The following TRPS1 variants were observed in gnomAD, a reference collection of about 807,000 sequenced individuals.
TRPS1 encodes the protein transcriptional repressor GATA binding 1, also known as zinc finger transcription factor Trps1.
Under a neutral mutation model 101.2 loss-of-function variants are expected in TRPS1, and 6 were observed. The ratio of observed to expected loss-of-function variants is 0.06; its 90% CI spans 0.03 to 0.12. The LOEUF (loss-of-function observed/expected upper bound fraction) is 0.12. Ranked by LOEUF, TRPS1 falls within the 10% of genes least tolerant of loss-of-function variation. TRPS1 has a pLI of 1.00. For synonymous variants in TRPS1, 578 were observed against 589.8 expected, an observed-to-expected ratio of 0.98 and a Z score of 0.29; for missense variants, 1,363 against 1,567.0, an observed-to-expected ratio of 0.87 and a Z score of 2.20.
intron 5 of TRPS1, among the ~76,000 whole-genome samples, chr8:115,584,307 T>C (rs754842971): frequency 4.6e-5 from 7 of 152,002 alleles, no homozygotes; most frequent in Admixed American, 1.3e-4. Flanking sequence ...GCTCTATTAA[T>C]GCTATATTGA....
At chr8:115,442,908 G>T (rs934337467) in intron 5 of TRPS1, among the ~76,000 whole-genome samples, 1 of 151,654 alleles carries the variant, frequency 6.6e-6, no homozygotes, top group East Asian at 1.9e-4. Context: ...TGGCTAACAC[G>T]GTGAAAACCC....
chr8:115,641,753 G>A (rs894538932), intron 1 of TRPS1, among the ~76,000 whole-genome samples: 4 of 152,164 alleles, frequency 2.6e-5, no homozygotes, highest in Non-Finnish European at 5.9e-5. Flanking sequence ...GGTGGCGCAT[G>A]CCTGTAGTCT....
At chr8:115,431,541 A>T (rs972031551) in intron 5 of TRPS1, among the ~76,000 whole-genome samples, 8 of 151,930 alleles carry the variant, frequency 5.3e-5, no homozygotes, top group Non-Finnish European at 8.8e-5. Flanking sequence ...TACATTACAT[A>T]ACTCTGGTGG....
rs578255298 is a variant in TRPS1 at position 115,501,895 on chromosome 8, T to C, written c.2701-83443A>G. On this transcript the variant is annotated intron_variant, in intron 5 of 6. Coordinates refer to ENST00000395715, the MANE Select transcript of TRPS1 (RefSeq NM_014112.5). ...AACTGATCTCCTCATATCTGGACACTGGTTGCTGCCCATTCCAGTCCATCT... is the reference window on the plus strand; with the variant it reads ...AACTGATCTCCTCATATCTGGACACCGGTTGCTGCCCATTCCAGTCCATCT... Among the ~76,000 whole-genome samples, 3 of 152,268 alleles carry C rather than the reference T, an allele frequency of 2.0e-5. No homozygotes were observed. In the East Asian group the frequency reaches 5.8e-4, roughly 29 times the overall value.
chr8:115,418,410 T>C lies in TRPS1; in HGVS notation c.2743A>G (p.Thr915Ala), dbSNP rs2129769136. ...TTCTTTCGCCAGAGAGAGGTCTTTGTGGTCAGGCAATTGGCACAAAAAACA... is the reference window on the plus strand; with the variant it reads ...TTCTTTCGCCAGAGAGAGGTCTTTGCGGTCAGGCAATTGGCACAAAAAACA... ...SGVFCANCLT[T>A]KTSLWRKNAN... Residue 915 changes from threonine (T) to alanine (A), a missense_variant, in exon 6 of 7, where the codon ACA becomes GCA. By Grantham distance (58) the Thr-to-Ala change is moderately conservative. Around this residue, in one of 5 missense-constraint regions of TRPS1, gnomAD observed 22 missense variants for 37.9 expected, o/e 0.58. Coordinates refer to ENST00000395715, the MANE Select transcript of TRPS1 (RefSeq NM_014112.5). The surrounding 1 kb of genome is among the most constrained non-coding windows in gnomAD (Gnocchi z 4.3). 1 of 1,614,124 alleles carries C rather than the reference T, an allele frequency of 6.2e-7. No individual in the cohort carries two copies. Among genetic ancestry groups the C allele is most frequent in the Non-Finnish European group, 8.5e-7 (1 of 1,180,004 alleles).
intron 1 of TRPS1, among the ~76,000 whole-genome samples, chr8:115,654,423 T>C (rs531552510): frequency 9.8e-5 from 15 of 152,304 alleles, no homozygotes; most frequent in East Asian, 7.7e-4. Context: ...ACACCACTTA[T>C]GGTTTTTCCA....
chr8:115,587,556 G>A lies in TRPS1; in HGVS notation c.2145C>T (p.Ala715=), dbSNP rs756943485. Residue 715 remains alanine, a synonymous_variant, in exon 5 of 7, where the codon GCC becomes GCT. Coordinates refer to ENST00000395715, the MANE Select transcript of TRPS1 (RefSeq NM_014112.5). The stretch of plus-strand genomic sequence containing the variant: ...AGTGCTCCAGTAGTGACTGAGTATC[G>A]GCAGCTGTAAAACTGCACTGACGGC... The part of the protein sequence containing the change: ...YKCRQCSFTA[A]DTQSLLEHFN... The A allele has an allele frequency of 9.9e-6, 16 of 1,614,106 alleles. No homozygotes were observed. Among genetic ancestry groups the A allele is most frequent in the African/African-American group, 6.7e-5 (5 of 75,028 alleles).
intron 5 of TRPS1, among the ~76,000 whole-genome samples, chr8:115,473,133 T>C (rs186469624): frequency 1.9e-4 from 29 of 152,314 alleles, no homozygotes; most frequent in African/African-American, 6.3e-4. Context: ...CAATTTACTG[T>C]ATTAGTCCAT....
Position 115,466,314 on chromosome 8 carries a change from G to C in TRPS1, c.2701-47862C>G, listed in dbSNP as rs141827548. On this transcript the variant is annotated intron_variant, in intron 5 of 6. Coordinates refer to ENST00000395715, the MANE Select transcript of TRPS1 (RefSeq NM_014112.5). The stretch of plus-strand genomic sequence containing the variant: ...ACTGGTATCAACAGTTTGACTGAAA[G>C]GTTAAAGGGGAAACATAATTCTATA... Among the ~76,000 whole-genome samples, 19 of 152,216 alleles carry C rather than the reference G, an allele frequency of 1.2e-4. No homozygotes were observed. In the East Asian group the frequency reaches 3.7e-3, roughly 29 times the overall value.
intron 5 of TRPS1, among the ~76,000 whole-genome samples, chr8:115,446,731 C>G (rs1216596021): frequency 3.3e-5 from 5 of 152,094 alleles, no homozygotes; most frequent in Admixed American, 1.3e-4. Flanking sequence ...CAATCATGAA[C>G]CCAGAAAAGT....
chr8:115,536,885 G>C (rs1410314800), intron 5 of TRPS1, among the ~76,000 whole-genome samples: 1 of 151,270 alleles, frequency 6.6e-6, no homozygotes, highest in African/African-American at 2.4e-5. Context: ...TTGAAGGTCA[G>C]AATTTTACAT....
intron 1 of TRPS1, among the ~76,000 whole-genome samples, chr8:115,644,083 G>C (rs916748711): frequency 1.3e-5 from 2 of 152,190 alleles, no homozygotes; most frequent in East Asian, 1.9e-4. Flanking sequence ...TTCAGGCTTT[G>C]CTGTTCCTTT....
chr8:115,503,303 A>G (rs1043782442), intron 5 of TRPS1, among the ~76,000 whole-genome samples: 1 of 151,414 alleles, frequency 6.6e-6, no homozygotes, highest in African/African-American at 2.4e-5. Flanking sequence ...TGCCACACCA[A>G]TGTACGCGAA....
intron 5 of TRPS1, among the ~76,000 whole-genome samples, chr8:115,492,896 G>T (rs981100178): frequency 6.6e-6 from 1 of 151,924 alleles, no homozygotes; most frequent in Non-Finnish European, 1.5e-5. Context: ...GTATTTTATT[G>T]TAGAGATGGG....
intron 5 of TRPS1, among the ~76,000 whole-genome samples, chr8:115,553,297 T>C (rs913960863): frequency 1.3e-5 from 2 of 152,238 alleles, no homozygotes; most frequent in Admixed American, 1.3e-4. Flanking sequence ...AACTTTGTAA[T>C]TGCAATGCCC....
intron 6 of TRPS1, among the ~76,000 whole-genome samples, chr8:115,417,955 C>T (rs1812962260): frequency 6.6e-6 from 1 of 152,114 alleles, no homozygotes; most frequent in African/African-American, 2.4e-5. Context: ...CTGAACATGA[C>T]CGAGTCCTTT....
chr8:115,577,776 A>C (rs1817352859), intron 5 of TRPS1, among the ~76,000 whole-genome samples: 1 of 152,188 alleles, frequency 6.6e-6, no homozygotes, highest in African/African-American at 2.4e-5. Context: ...ATAAAAACAA[A>C]GATAATTAAA....
At chr8:115,668,341 CT>C (rs773247592) in intron 1 of TRPS1, 1,684 of 91,442 alleles carry the variant, frequency 0.018, 6 homozygotes, top group African/African-American at 0.04. Flanking sequence ...TCTCCCTCTG[CT>C]TTTTTTTTTT....
At chr8:115,425,663 G>A (rs899727836) in intron 5 of TRPS1, among the ~76,000 whole-genome samples, 1 of 152,182 alleles carries the variant, frequency 6.6e-6, no homozygotes, top group African/African-American at 2.4e-5. Flanking sequence ...CAGAGTGAAA[G>A]AGCAGAAAAT....
Sources: gnomAD v4.1 joint callset for allele counts (sites outside exome capture counted in the v4.1 genomes callset) on GRCh38, gnomAD v4.1.1 for gene constraint, gnomAD v4.1.1 regional missense constraint, Gnocchi (gnomAD v3.1) non-coding constraint, MANE v1.5 for transcripts, NCBI Gene and HGNC (gene_info 2026-07-23, HGNC 2026-07-21) for gene names.